The following HMCN2 variants were observed in gnomAD, a reference collection of about 807,000 sequenced individuals.
HMCN2 encodes hemicentin 2.
In HMCN2, 325 loss-of-function variants were observed where a neutral mutation model predicts 377.5. The ratio of observed to expected loss-of-function variants is 0.86; its 90% CI spans 0.79 to 0.94. The LOEUF (loss-of-function observed/expected upper bound fraction) is 0.94. Ranked by LOEUF, HMCN2 falls within the 40% of genes least tolerant of loss-of-function variation. HMCN2 has a pLI of 0.00. For synonymous variants in HMCN2, 2,007 were observed against 2,046.8 expected (o/e 0.98, Z 0.53); for missense variants, 4,543 against 4,725.3 (o/e 0.96, Z 1.13).
chr9:130,346,680 G>A (rs1375204665), intron 25 of HMCN2, among the ~76,000 whole-genome samples: 5 of 152,174 alleles, frequency 3.3e-5, no homozygotes, highest in Admixed American at 1.3e-4. Context: ...GCCGGGCACT[G>A]TGCTAGAGGC....
At chr9:130,399,438 C>T in intron 75 of HMCN2, 73 bp from the exon 76 acceptor site, 2 of 1,188,462 alleles carry the variant, frequency 1.7e-6, no homozygotes, top group Non-Finnish European at 2.1e-6. Context: ...GGCGTGAGAC[C>T]CCCACAGCCA....
In HMCN2 at chr9:130,289,790, G is replaced by A. The variant is rs113916289; in HGVS notation, c.612+3480G>A. ...GGCGAGTGCCCAGGGTGCCCAGCTG[G>A]CAAGGGGCAAAACCCCCTGACTAGG... On this transcript the variant is annotated intron_variant, in intron 4 of 97. Coordinates refer to ENST00000683500, the MANE Select transcript of HMCN2 (RefSeq NM_001291815.2). 3.3e-5 allele frequency among the ~76,000 whole-genome samples: 5 copies of A among 152,272 alleles called. 2 individuals are homozygous for A. The highest frequency in any genetic ancestry group is 1.2e-4 in the African/African-American group (5 of 41,548).
rs1840353199 is a variant in HMCN2, at chr9:130,360,885, CCATCCATCCATCTCT to C, written c.5950+293_5950+307del. Among the ~76,000 whole-genome samples the C allele has an allele frequency of 1.3e-5, 2 of 151,842 alleles. No individual in the cohort carries two copies. The highest frequency in any genetic ancestry group is 4.8e-5 in the African/African-American group (2 of 41,304). The stretch of plus-strand genomic sequence containing the variant: ...TCCATCAACTCATCTATCCATCCAT[CCATCCATCCATCTCT>C]CATCCATCCATTTATCCACCCAACC... On this transcript the variant is annotated intron_variant, in intron 38 of 97. Transcript: ENST00000683500. The surrounding 1 kb of genome is among the most constrained non-coding windows in gnomAD (Gnocchi z 4.7).
At chr9:130,309,875 G>T in intron 14 of HMCN2, 37 bp from the exon 15 acceptor site, 1 of 438,862 alleles carries the variant, frequency 2.3e-6, no homozygotes, top group African/African-American at 2.0e-5. Flanking sequence ...CATGGTACCA[G>T]GGACACCGGC....
chr9:130,363,321 A>G (rs1050738568), intron 40 of HMCN2, among the ~76,000 whole-genome samples: 12 of 152,282 alleles, frequency 7.9e-5, no homozygotes, highest in African/African-American at 2.6e-4. Context: ...CATGGGGTTC[A>G]AACCCTGCCT....
intron 54 of HMCN2, among the ~76,000 whole-genome samples, chr9:130,380,646 G>A (rs1841661754): frequency 6.6e-6 from 1 of 152,022 alleles, no homozygotes; most frequent in Non-Finnish European, 1.5e-5. Flanking sequence ...AACTAGCTGG[G>A]CGTGGTGGCA....
At chr9:130,287,272 A>G (rs1322489916) in intron 4 of HMCN2, among the ~76,000 whole-genome samples, 1 of 151,898 alleles carries the variant, frequency 6.6e-6, no homozygotes, top group African/African-American at 2.4e-5. Context: ...CCCCTTGCCC[A>G]AACTTGCTAC....
intron 4 of HMCN2, among the ~76,000 whole-genome samples, chr9:130,288,488 G>A (rs1835546988): frequency 6.6e-6 from 1 of 152,210 alleles, no homozygotes; most frequent in African/African-American, 2.4e-5. Flanking sequence ...GGACAGCCAG[G>A]GCTGCGGTCA....
rs1554935402 is a variant in HMCN2 at position 130,303,619 on chromosome 9, T to C, written c.1543+11T>C. 1 of 268,056 alleles carries C rather than the reference T, an allele frequency of 3.7e-6. No individual in the cohort carries two copies. The highest frequency in any genetic ancestry group is 3.2e-5 in the South Asian group (1 of 31,622). The allele number at this position is 268,056 out of a possible 1,614,324, so 16.6% of individuals were successfully genotyped here. A position where few individuals can be genotyped will look rare whatever the true frequency, so the allele number is the denominator to read the frequency against. On this transcript the variant is annotated intron_variant, in intron 10 of 97. Coordinates refer to ENST00000683500, the MANE Select transcript of HMCN2 (RefSeq NM_001291815.2). The surrounding 1 kb of genome is among the most constrained non-coding windows in gnomAD (Gnocchi z 5.2). ...AGATTGTTGTCACAGGTCTGTCCCT[T>C]GGGGCCCCTCCATGTACCCCTTCCT...
intron 1 of HMCN2, among the ~76,000 whole-genome samples, chr9:130,277,799 T>C (rs1244188106): frequency 1.9e-4 from 15 of 80,722 alleles, no homozygotes; most frequent in South Asian, 9.3e-4. Flanking sequence ...ACCATCATCA[T>C]CACCACCACC....
chr9:130,419,054 C>A lies in HMCN2; in HGVS notation c.13231+13C>A. 1.4e-6 allele frequency: 2 copies of A among 1,481,066 alleles called. No homozygotes were observed. Among genetic ancestry groups the A allele is most frequent in the South Asian group, 2.7e-5 (2 of 72,990 alleles). The allele number at this position is 1,481,066 out of a possible 1,614,324, so 91.7% of individuals were successfully genotyped here. On this transcript the variant is annotated intron_variant, in intron 86 of 97. Transcript: ENST00000683500. ...CTGGTCGTGAGAGGTATGGGGCATCCCTGTCTGGACCTTCGTGGACAGAGG... is the reference window on the plus strand; with the variant it reads ...CTGGTCGTGAGAGGTATGGGGCATCACTGTCTGGACCTTCGTGGACAGAGG...
intron 1 of HMCN2, among the ~76,000 whole-genome samples, chr9:130,283,713 G>A (rs115906854): frequency 3.2e-3 from 484 of 152,246 alleles, no homozygotes; most frequent in African/African-American, 0.011. Flanking sequence ...CTTCTCTCGC[G>A]TGGGAGGTGC....
intron 1 of HMCN2, among the ~76,000 whole-genome samples, chr9:130,278,039 CCACCA>C (rs1834882308): frequency 1.4e-5 from 2 of 142,174 alleles, no homozygotes; most frequent in Non-Finnish European, 3.1e-5. Flanking sequence ...ATCATCACCA[CCACCA>C]TCATCATTAC....
intron 82 of HMCN2, chr9:130,406,889 T>C (rs955435395): frequency 6.5e-6 from 1 of 153,842 alleles, no homozygotes; most frequent in Admixed American, 6.4e-5. Flanking sequence ...GCCCAATTGA[T>C]GGTACTGCTT....
In HMCN2 at chr9:130,312,505, G is replaced by T. The variant is rs1486782232; in HGVS notation, c.2350+2444G>T. 8.3e-4 allele frequency among the ~76,000 whole-genome samples: 5 copies of T among 6,010 alleles called. 1 individual carries two copies. Among genetic ancestry groups the T allele is most frequent in the Non-Finnish European group, 2.4e-3 (3 of 1,228 alleles). 3.9% of individuals were successfully genotyped at this position (6,010 alleles called of 152,430 possible). On this transcript the variant is annotated intron_variant, in intron 15 of 97. Coordinates refer to ENST00000683500, the MANE Select transcript of HMCN2 (RefSeq NM_001291815.2). The stretch of plus-strand genomic sequence containing the variant: ...TCTTTCTCTCTCTCTCTTTCTTTCT[G>T]TCCCTCCCTCCCTCCCTCCCTCCCT...
chr9:130,321,151 A>T (rs1837832279), intron 18 of HMCN2, among the ~76,000 whole-genome samples: 1 of 152,062 alleles, frequency 6.6e-6, no homozygotes, highest in African/African-American at 2.4e-5. Context: ...CTGCAGGGCA[A>T]TCGTGTGCCT....
intron 74 of HMCN2, 76 bp from the exon 75 acceptor site, chr9:130,398,475 C>A: frequency 1.2e-6 from 1 of 821,290 alleles, no homozygotes; most frequent in Non-Finnish European, 1.6e-6. Context: ...GTGGCTTTGC[C>A]CCTGGGCACA....
Position 130,384,739 on chromosome 9 carries a change from C to T in HMCN2, c.9047C>T (p.Thr3016Ile), listed in dbSNP as rs2131645726. Residue 3016 changes from threonine to isoleucine, a missense_variant, in exon 59 of 98, where the codon ACA becomes ATA. Around this residue, in one of 5 missense-constraint regions of HMCN2, gnomAD observed 736 missense variants for 773.2 expected, o/e 0.95. Transcript: ENST00000683500. The part of the protein sequence containing the change: ...RARLSDSGMY[T>I]CEALNAAGRD... The stretch of plus-strand genomic sequence containing the variant: ...CGGCTGTCGGACTCCGGGATGTACA[C>T]ATGCGAAGCCCTCAATGCTGCCGGC... 7.7e-7 allele frequency: 1 copy of T among 1,303,114 alleles called. No individual in the cohort carries two copies. Among genetic ancestry groups the T allele is most frequent in the Non-Finnish European group, 1.0e-6 (1 of 988,950 alleles). 80.7% of individuals were successfully genotyped at this position (1,303,114 alleles called of 1,614,324 possible).
intron 40 of HMCN2, among the ~76,000 whole-genome samples, chr9:130,363,291 C>T (rs1048536916): frequency 1.3e-5 from 2 of 152,160 alleles, no homozygotes; most frequent in Admixed American, 6.5e-5. Flanking sequence ...TTAGGAAAGC[C>T]GGCTCTTGAG....
Sources: gnomAD v4.1 joint callset for allele counts (sites outside exome capture counted in the v4.1 genomes callset) on GRCh38, gnomAD v4.1.1 for gene constraint, gnomAD v4.1.1 regional missense constraint, Gnocchi (gnomAD v3.1) non-coding constraint, MANE v1.5 for transcripts, NCBI Gene and HGNC (gene_info 2026-07-23, HGNC 2026-07-21) for gene names.